Variants in TEX10 observed in about 807,000 individuals in gnomAD.
The protein encoded by TEX10 is testis-expressed protein 10.
TEX10 carries 24 observed loss-of-function variants against 104.4 expected under a neutral mutation model. That is an observed-to-expected ratio of 0.23 (90% confidence interval 0.17 to 0.32). TEX10 has a LOEUF of 0.32. Among genes scored for constraint, TEX10 ranks in the 10% least tolerant of loss-of-function variants. The probability of loss-of-function intolerance (pLI) is 1.00; values close to 1 mark genes in which losing one functional copy is unlikely to be tolerated. For missense variants in TEX10, 921 were observed against 1,083.9 expected (o/e 0.85, Z 2.11); for synonymous variants, 396 against 393.4 (o/e 1.01, Z -0.08).
chr9:100,309,843 T>C (rs930490098), intron 12 of TEX10, among the ~76,000 whole-genome samples: 1 of 152,086 alleles, frequency 6.6e-6, no homozygotes, highest in African/African-American at 2.4e-5. Context: ...ACATCCAATA[T>C]CAAATAACAG....
rs200977418 is a variant in TEX10 at position 100,329,936 on chromosome 9, T to C, written c.1484A>G (p.Asn495Ser). The stretch of plus-strand genomic sequence containing the variant: ...GGCAAAGTAGCATCACCTACCTCTG[T>C]TTGGCTGTATTTGCATTAACCTCCA... ...VSWRLMQIQP[N>S]REDTETLIKA... The change falls in exon 6 of 15, where the codon AAC (asparagine) becomes AGC (serine). Residue 495 changes from asparagine (N) to serine (S), a missense_variant. By Grantham distance (46) the Asn-to-Ser change is conservative. Transcript: ENST00000374902. The C allele has an allele frequency of 3.7e-6, 6 of 1,609,158 alleles. No individual in the cohort carries two copies. In the Admixed American group the frequency reaches 6.7e-5, roughly 18 times the overall value.
At chr9:100,304,823 A>C (rs1395760215) in intron 13 of TEX10, 3 of 152,100 alleles carry the variant, frequency 2.0e-5, no homozygotes, top group Non-Finnish European at 4.4e-5. Flanking sequence ...ACACCACTGC[A>C]TTCCAGCCTG....
At chr9:100,349,017 C>T (rs1007666581) in intron 2 of TEX10, among the ~76,000 whole-genome samples, 167 bp downstream of exon 2, 2 of 152,164 alleles carry the variant, frequency 1.3e-5, no homozygotes, top group South Asian at 4.1e-4. Flanking sequence ...AAAGACACAG[C>T]TGCATGAGAG....
chr9:100,321,840 G>A, intron 9 of TEX10, 69 bp from the exon 10 acceptor site: 1 of 1,127,472 alleles, frequency 8.9e-7, no homozygotes, highest in Non-Finnish European at 1.3e-6. Flanking sequence ...AGGTAGCACA[G>A]TATATAACCA....
intron 2 of TEX10, among the ~76,000 whole-genome samples, chr9:100,348,015 C>T (rs1210475849): frequency 6.6e-6 from 1 of 152,204 alleles, no homozygotes; most frequent in Non-Finnish European, 1.5e-5. Context: ...AAATGTTCAT[C>T]AACTGCTGAG....
intron 7 of TEX10, 77 bp from the exon 8 acceptor site, chr9:100,328,039 T>C: frequency 1.6e-6 from 2 of 1,249,272 alleles, no homozygotes; most frequent in Non-Finnish European, 2.1e-6. Context: ...AAAAATTTTT[T>C]TTTAACTTAA....
chr9:100,323,502 G>A (rs1834625931), intron 9 of TEX10, among the ~76,000 whole-genome samples: 1 of 152,196 alleles, frequency 6.6e-6, no homozygotes, highest in South Asian at 2.1e-4. Flanking sequence ...AACTGGGGTA[G>A]AGGGGTAAGA....
At position 100,329,975 on chromosome 9, in the gene TEX10, A is replaced by C. The variant is rs1381380967; in HGVS notation, c.1445T>G (p.Leu482Trp). Residue 482 changes from leucine (L) to tryptophan (W), a missense_variant, in exon 6 of 15, where the codon TTG becomes TGG. Coordinates refer to ENST00000374902, the MANE Select transcript of TEX10 (RefSeq NM_017746.4). ...CATTAACCTCCAGGATACTCCCAGCAATCTGTTCAGTTGCTTACTATTTAG... is the reference window on the plus strand; with the variant it reads ...CATTAACCTCCAGGATACTCCCAGCCATCTGTTCAGTTGCTTACTATTTAG... Reference protein sequence around the residue: ...SRLNSKQLNRLLGVSWRLMQI... With the variant: ...SRLNSKQLNRWLGVSWRLMQI... The C allele has an allele frequency of 6.2e-7, 1 of 1,613,876 alleles. No individual in the cohort carries two copies. The highest frequency in any genetic ancestry group is 2.2e-5 in the East Asian group (1 of 44,878).
Position 100,352,790 on chromosome 9 carries a change from C to T in TEX10, c.-28G>A. On this transcript the variant is annotated 5_prime_UTR_variant, in exon 1 of 15. Coordinates refer to ENST00000374902, the MANE Select transcript of TEX10 (RefSeq NM_017746.4). ...CGCTTACCTGAGGACCCGGCCGCGG[C>T]CGGGGCGAGAAGCCCGAGAAGACAA... The T allele has an allele frequency of 9.3e-7, 1 of 1,076,598 alleles. No individual in the cohort carries two copies. Among genetic ancestry groups the T allele is most frequent in the African/African-American group, 1.7e-5 (1 of 59,746 alleles). The allele number at this position is 1,076,598 out of a possible 1,614,324, so 66.7% of individuals were successfully genotyped here. A position where few individuals can be genotyped will look rare whatever the true frequency, so the allele number is the denominator to read the frequency against.
intron 9 of TEX10, among the ~76,000 whole-genome samples, chr9:100,322,340 G>A (rs1019588318): frequency 6.6e-6 from 1 of 152,190 alleles, no homozygotes; most frequent in African/African-American, 2.4e-5. Context: ...ATAGCTAAAT[G>A]TAAAGCAGCT....
chr9:100,350,686 T>TA (rs983225002), intron 1 of TEX10, among the ~76,000 whole-genome samples: 1 of 152,054 alleles, frequency 6.6e-6, no homozygotes. Context: ...CATGAGGGTA[T>TA]AAAAAAATGG....
At chr9:100,330,324 A>G (rs1432503964) in intron 5 of TEX10, among the ~76,000 whole-genome samples, 155 bp from the exon 6 acceptor site, 1 of 152,274 alleles carries the variant, frequency 6.6e-6, no homozygotes, top group African/African-American at 2.4e-5. Flanking sequence ...GACTTAGGCC[A>G]CAGTTCTATA....
chr9:100,304,816 C>A (rs943640058), intron 13 of TEX10: 2 of 152,116 alleles, frequency 1.3e-5, no homozygotes, highest in African/African-American at 4.8e-5. Context: ...CGAGATCACA[C>A]CACTGCATTC....
intron 11 of TEX10, among the ~76,000 whole-genome samples, chr9:100,315,977 CT>C (rs1464747792): frequency 1.3e-5 from 2 of 152,214 alleles, no homozygotes; most frequent in African/African-American, 4.8e-5. Context: ...TCATCAATTA[CT>C]TTGTTGGCTA....
At chr9:100,334,880 G>A (rs961535275) in intron 5 of TEX10, among the ~76,000 whole-genome samples, 2 of 152,156 alleles carry the variant, frequency 1.3e-5, no homozygotes, top group Admixed American at 6.5e-5. Flanking sequence ...GGCCAGGCCA[G>A]TCTCGAACCC....
intron 12 of TEX10, 131 bp downstream of exon 12, chr9:100,310,168 C>T: frequency 1.4e-6 from 1 of 734,690 alleles, no homozygotes; most frequent in Non-Finnish European, 2.2e-6. Context: ...GCCAATGCAT[C>T]ATGCTGCAAG....
Position 100,347,162 on chromosome 9 carries a change from C to T in TEX10, c.425G>A (p.Ser142Asn), listed in dbSNP as rs748674609. The T allele has an allele frequency of 2.5e-6, 4 of 1,614,058 alleles. No individual in the cohort carries two copies. The highest frequency in any genetic ancestry group is 2.5e-6 in the Non-Finnish European group (3 of 1,179,978). Residue 142 changes from serine to asparagine, a missense_variant, in exon 3 of 15, where the codon AGT (serine) becomes AAT (asparagine). Around this residue, in one of 3 missense-constraint regions of TEX10, gnomAD observed 50 missense variants for 104.2 expected, o/e 0.48. Coordinates refer to ENST00000374902, the MANE Select transcript of TEX10 (RefSeq NM_017746.4). ...AGTCATGGCACTAGAGAGATGGGCA[C>T]TTACCAAAGGAAAAAATGGAGAAAT... is the stretch of plus-strand genomic sequence containing the variant. Reference protein sequence around the residue: ...EQISPFFPLVSAHLSSAMTHI... With the variant: ...EQISPFFPLVNAHLSSAMTHI...
intron 1 of TEX10, among the ~76,000 whole-genome samples, chr9:100,350,068 G>A (rs1286962382): frequency 6.6e-6 from 1 of 152,138 alleles, no homozygotes; most frequent in Non-Finnish European, 1.5e-5. Context: ...TAATGTAATA[G>A]GGGGATAAGG....
chr9:100,343,525 T>A (rs1835224057), intron 4 of TEX10, among the ~76,000 whole-genome samples: 1 of 151,818 alleles, frequency 6.6e-6, no homozygotes, highest in South Asian at 2.1e-4. Context: ...ATTCAGCCAC[T>A]GCATGTAAGA....
Sources: gnomAD v4.1 joint callset for allele counts (sites outside exome capture counted in the v4.1 genomes callset) on GRCh38, gnomAD v4.1.1 for gene constraint, gnomAD v4.1.1 regional missense constraint, MANE v1.5 for transcripts, NCBI Gene and HGNC (gene_info 2026-07-23, HGNC 2026-07-21) for gene names.